The following HLCS variants were observed in gnomAD, a reference collection of about 807,000 sequenced individuals.
HLCS encodes biotin--protein ligase.
HLCS carries 53 observed loss-of-function variants against 75.0 expected under a neutral mutation model. The ratio of observed to expected loss-of-function variants is 0.71; its 90% CI spans 0.57 to 0.89. HLCS has a LOEUF of 0.89. Ranked by LOEUF, HLCS falls within the 40% of genes least tolerant of loss-of-function variation. HLCS has a pLI of 0.00. For missense variants in HLCS, 966 were observed against 1,074.0 expected (o/e 0.90, Z 1.41); for synonymous variants, 431 against 428.6 (o/e 1.01, Z -0.07).
At chr21:36,857,049 T>A (rs912647174) in intron 6 of HLCS, among the ~76,000 whole-genome samples, 5 of 152,258 alleles carry the variant, frequency 3.3e-5, no homozygotes, top group Non-Finnish European at 7.3e-5. Context: ...ACTGTTCTGA[T>A]ATGCACAAAT....
At chr21:36,831,031 T>A (rs1032676159) in intron 6 of HLCS, among the ~76,000 whole-genome samples, 15 of 152,202 alleles carry the variant, frequency 9.9e-5, no homozygotes, top group African/African-American at 3.4e-4. Flanking sequence ...TATCTGCTGA[T>A]AACCACCTTT....
chr21:36,834,155 C>T (rs149522129), intron 6 of HLCS, among the ~76,000 whole-genome samples: 2 of 152,196 alleles, frequency 1.3e-5, no homozygotes, highest in African/African-American at 4.8e-5. Flanking sequence ...GGAACCAATC[C>T]CTCACAGATA....
chr21:36,983,845 A>C (rs1257985139), intron 1 of HLCS, among the ~76,000 whole-genome samples: 1 of 151,542 alleles, frequency 6.6e-6, no homozygotes, highest in Non-Finnish European at 1.5e-5. Flanking sequence ...TCAAAAAAAA[A>C]AAAATTTTTT....
At chr21:36,817,122 A>T (rs1193593428) in intron 6 of HLCS, among the ~76,000 whole-genome samples, 3 of 152,230 alleles carry the variant, frequency 2.0e-5, no homozygotes, top group Non-Finnish European at 4.4e-5. Context: ...TGGAAGATGG[A>T]AGCAGCAGAT....
intron 8 of HLCS, among the ~76,000 whole-genome samples, chr21:36,760,428 G>A (rs1226718312): frequency 6.6e-6 from 1 of 152,062 alleles, no homozygotes; most frequent in Non-Finnish European, 1.5e-5. Flanking sequence ...GGCCAACATA[G>A]TGAAACCCCA....
intron 5 of HLCS, among the ~76,000 whole-genome samples, chr21:36,900,098 C>A: frequency 6.6e-6 from 1 of 151,424 alleles, no homozygotes; most frequent in East Asian, 1.9e-4. Context: ...GAGTGAGACT[C>A]AGTCTCGAAA....
intron 6 of HLCS, among the ~76,000 whole-genome samples, chr21:36,859,032 T>G (rs1225207375): frequency 6.6e-6 from 1 of 152,154 alleles, no homozygotes; most frequent in Non-Finnish European, 1.5e-5. Context: ...TTGTTTTTTG[T>G]TTTGTTTTGA....
intron 2 of HLCS, among the ~76,000 whole-genome samples, chr21:36,954,673 TAAAC>T (rs1345095885): frequency 6.6e-6 from 1 of 152,150 alleles, no homozygotes; most frequent in Non-Finnish European, 1.5e-5. Context: ...TACCTGATAA[TAAAC>T]AACTGTTACT....
At chr21:36,857,707 A>G (rs2063242527) in intron 6 of HLCS, among the ~76,000 whole-genome samples, 1 of 152,150 alleles carries the variant, frequency 6.6e-6, no homozygotes, top group African/African-American at 2.4e-5. Context: ...TCCCCTCAAC[A>G]AAGCAGAGTG....
Position 36,989,288 on chromosome 21 carries a change from G to A in HLCS, c.-393+870C>T, listed in dbSNP as rs549477561. On this transcript the variant is annotated intron_variant, in intron 1 of 11. Coordinates refer to the HLCS transcript ENST00000336648. ...GGCCTCCCAGCGTGCTGGGATTACA[G>A]GCGTGAGCCACAGTGTCTGGCCCAT... Among the ~76,000 whole-genome samples the A allele has an allele frequency of 3.4e-5, 5 of 148,022 alleles. No homozygotes were observed. In the East Asian group the frequency reaches 8.0e-4, roughly 24 times the overall value.
chr21:36,777,398 G>A (rs73210790), intron 6 of HLCS, among the ~76,000 whole-genome samples: 6,558 of 152,260 alleles, frequency 0.043, 157 homozygotes, highest in Middle Eastern at 0.11. Context: ...GCTCTCATGC[G>A]GCACGAAAAC....
At chr21:36,934,068 G>C (rs895429266) in intron 4 of HLCS, among the ~76,000 whole-genome samples, 1 of 152,134 alleles carries the variant, frequency 6.6e-6, no homozygotes, top group Non-Finnish European at 1.5e-5. Flanking sequence ...CAATTAGCAG[G>C]GAGAAATGGC....
At chr21:36,900,061 C>A (rs929265273) in intron 5 of HLCS, among the ~76,000 whole-genome samples, 1 of 151,856 alleles carries the variant, frequency 6.6e-6, no homozygotes, top group African/African-American at 2.4e-5. Context: ...GCCAAGATTG[C>A]GCCACTGCAC....
At chr21:36,865,635 G>A (rs1351394631) in intron 6 of HLCS, among the ~76,000 whole-genome samples, 1 of 152,150 alleles carries the variant, frequency 6.6e-6, no homozygotes, top group Non-Finnish European at 1.5e-5. Flanking sequence ...TAAGCAGAGG[G>A]TCATCATTTC....
chr21:36,824,444 A>G (rs1159807277), intron 6 of HLCS, among the ~76,000 whole-genome samples: 3 of 152,174 alleles, frequency 2.0e-5, no homozygotes, highest in African/African-American at 7.2e-5. Context: ...CTGTCAGAGA[A>G]GGGAAAAGGG....
Position 36,771,219 on chromosome 21 carries a change from C to CAAATAAATAAATAAATAAAT in HLCS, c.1893-3954_1893-3935dup, listed in dbSNP as rs749446913. On this transcript the variant is annotated intron_variant, in intron 6 of 10. Coordinates refer to ENST00000674895, the MANE Select transcript of HLCS (RefSeq NM_001352514.2). Reference sequence around the variant, plus strand: ...TGGGCGACAGAGCGAGACTCCGTCTCAAATAAATAAATAAATAAATAAATA... The same window carrying CAAATAAATAAATAAATAAAT: ...TGGGCGACAGAGCGAGACTCCGTCTCAAATAAATAAATAAATAAATAAATAAATAAATAAATAAATAAATA... Among the ~76,000 whole-genome samples, 366 of 142,402 alleles carry CAAATAAATAAATAAATAAAT rather than the reference C, an allele frequency of 2.6e-3. 3 individuals are homozygous for CAAATAAATAAATAAATAAAT. The highest frequency in any genetic ancestry group is 6.4e-3 in the African/African-American group (242 of 37,932). 93.4% of individuals were successfully genotyped at this position (142,402 alleles called of 152,430 possible).
At chr21:36,869,253 T>C (rs1349327065) in intron 6 of HLCS, among the ~76,000 whole-genome samples, 1 of 151,826 alleles carries the variant, frequency 6.6e-6, no homozygotes, top group African/African-American at 2.4e-5. Context: ...GCCTCCGGAG[T>C]AGCTGGGACT....
intron 6 of HLCS, among the ~76,000 whole-genome samples, chr21:36,850,151 C>G (rs576007597): frequency 2.4e-4 from 36 of 152,246 alleles, no homozygotes; most frequent in Admixed American, 2.0e-4. Flanking sequence ...GCAGTGGCCA[C>G]TTTCCTGTCA....
chr21:36,885,461 T>TCAGA (rs1242061004), intron 6 of HLCS, among the ~76,000 whole-genome samples: 1 of 148,944 alleles, frequency 6.7e-6, no homozygotes, highest in African/African-American at 2.5e-5. Context: ...TGAGCCATGA[T>TCAGA]CAGACCACTG....
Sources: gnomAD v4.1 joint callset for allele counts (sites outside exome capture counted in the v4.1 genomes callset) on GRCh38, gnomAD v4.1.1 for gene constraint, MANE v1.5 for transcripts, NCBI Gene and HGNC (gene_info 2026-07-23, HGNC 2026-07-21) for gene names.